PUM2: variants seen among roughly 807,000 people sequenced by gnomAD.
The protein encoded by PUM2 is pumilio RNA binding family member 2, also known as pumilio homolog 2.
A neutral mutation model predicts 124.5 loss-of-function variants in PUM2; 57 were observed. The ratio of observed to expected loss-of-function variants is 0.46; its 90% CI spans 0.37 to 0.57. The LOEUF is 0.57. Among genes scored for constraint, PUM2 ranks in the 20% least tolerant of loss-of-function variants. PUM2 has a pLI of 0.00. For synonymous variants in PUM2, 460 were observed against 446.1 expected, an observed-to-expected ratio of 1.03 and a Z score of -0.39; for missense variants, 1,065 against 1,290.6, an observed-to-expected ratio of 0.83 and a Z score of 2.68.
upstream of PUM2, among the ~76,000 whole-genome samples, chr2:20,351,110 G>C (rs891700340): frequency 2.0e-5 from 3 of 152,202 alleles, no homozygotes; most frequent in African/African-American, 7.2e-5. Flanking sequence ...CAGGCGTACT[G>C]TTGCCAAACG....
chr2:20,344,813 T>C (rs1687905330), intron 1 of PUM2, among the ~76,000 whole-genome samples: 1 of 151,634 alleles, frequency 6.6e-6, no homozygotes, highest in South Asian at 2.1e-4. Flanking sequence ...AAACCCCGTC[T>C]CTACTAAAAA....
At position 20,284,358 on chromosome 2, in the gene PUM2, C is replaced by CT. The variant is rs563304570; in HGVS notation, c.1292-873dup. On this transcript the variant is annotated intron_variant, in intron 10 of 20. Coordinates refer to ENST00000361078, the MANE Select transcript of PUM2 (RefSeq NM_015317.5). ...CTATCAGCAAAACATGCATTGGCAA[C>CT]TTTTTTTTCCCTTAAAGAGTGCTGT... Among the ~76,000 whole-genome samples the CT allele has an allele frequency of 1.6e-4, 24 of 152,066 alleles. No individual in the cohort carries two copies. The East Asian group carries it at 3.1e-3, about 20-fold the overall frequency.
chr2:20,327,402 T>A, intron 1 of PUM2, 24 bp from the exon 2 acceptor site: 1 of 1,432,326 alleles, frequency 7.0e-7, no homozygotes, highest in South Asian at 1.2e-5. Flanking sequence ...AAAACAAAAA[T>A]TAGTACAAAG....
rs372817643 is a variant in PUM2 at position 20,312,567 on chromosome 2, T to C, written c.161-144A>G. ...TATAATCTTTATATAAAGCTCTTCA[T>C]AGGACACAAACAAATGGAAGAACAT... On this transcript the variant is annotated intron_variant, in intron 3 of 20. Transcript: ENST00000361078. The C allele has an allele frequency of 1.0e-5, 8 of 765,230 alleles. No individual in the cohort carries two copies. The East Asian group carries it at 1.1e-4, about 11-fold the overall frequency. 47.4% of individuals were successfully genotyped at this position (765,230 alleles called of 1,614,324 possible).
chr2:20,336,902 A>C (rs1421105845), intron 1 of PUM2, among the ~76,000 whole-genome samples: 1 of 151,850 alleles, frequency 6.6e-6, no homozygotes, highest in Non-Finnish European at 1.5e-5. Flanking sequence ...GATTACAGGC[A>C]TAAGTCACCA....
intron 5 of PUM2, among the ~76,000 whole-genome samples, chr2:20,310,460 G>C (rs1366658774): frequency 6.6e-6 from 1 of 151,850 alleles, no homozygotes; most frequent in Admixed American, 6.6e-5. Flanking sequence ...TACTCTGAAG[G>C]GTTTATCATC....
At chr2:20,274,824 A>G (rs567123874) in intron 13 of PUM2, among the ~76,000 whole-genome samples, 77 of 151,688 alleles carry the variant, frequency 5.1e-4, no homozygotes, top group Non-Finnish European at 9.0e-4. Context: ...AGTTAAAAAA[A>G]ATTATCAACA....
chr2:20,255,986 TA>T, intron 17 of PUM2, 46 bp downstream of exon 17: 1 of 1,471,744 alleles, frequency 6.8e-7, no homozygotes, highest in South Asian at 1.5e-5. Context: ...TTCAAAATTC[TA>T]AAATAATGCC....
chr2:20,260,788 A>C (rs1336905322), intron 14 of PUM2, among the ~76,000 whole-genome samples: 1 of 152,182 alleles, frequency 6.6e-6, no homozygotes, highest in Non-Finnish European at 1.5e-5. Context: ...GTATTACTAA[A>C]CATCTAACTT....
At chr2:20,319,697 G>C (rs549853009) in intron 2 of PUM2, among the ~76,000 whole-genome samples, 1 of 152,288 alleles carries the variant, frequency 6.6e-6, no homozygotes, top group African/African-American at 2.4e-5. Context: ...AAAATGCAGT[G>C]TGTAGAATAG....
Position 20,256,213 on chromosome 2 carries a change from G to T in PUM2, c.2485-43C>A, listed in dbSNP as rs74503137. The T allele has an allele frequency of 3.3e-6, 5 of 1,513,702 alleles. No homozygotes were observed. In the East Asian group the frequency reaches 1.3e-4, roughly 39 times the overall value. The allele number at this position is 1,513,702 out of a possible 1,614,324, so 93.8% of individuals were successfully genotyped here. A position where few individuals can be genotyped will look rare whatever the true frequency, so the allele number is the denominator to read the frequency against. ...TCATTTAAATTATTACCTCAAACGA[G>T]AAAATACTAGTATATTTTATCTCAG... On this transcript the variant is annotated intron_variant, in intron 16 of 20. Coordinates refer to ENST00000361078, the MANE Select transcript of PUM2 (RefSeq NM_015317.5).
At chr2:20,276,586 C>A (rs956320507) in intron 13 of PUM2, among the ~76,000 whole-genome samples, 6 of 151,968 alleles carry the variant, frequency 3.9e-5, no homozygotes, top group Admixed American at 2.0e-4. Flanking sequence ...AGCCTTGAGA[C>A]TTGATTCATA....
At chr2:20,322,057 T>C (rs1289927719) in intron 2 of PUM2, among the ~76,000 whole-genome samples, 1 of 152,190 alleles carries the variant, frequency 6.6e-6, no homozygotes, top group African/African-American at 2.4e-5. Context: ...TAAATTGTTA[T>C]GGAAAACCCC....
intron 3 of PUM2, 118 bp from the exon 4 acceptor site, chr2:20,312,541 C>T: frequency 3.2e-6 from 3 of 946,480 alleles, no homozygotes; most frequent in Non-Finnish European, 4.7e-6. Context: ...AATGTTATTA[C>T]TATAATCTTT....
chr2:20,318,812 A>G (rs1014966631), intron 2 of PUM2, among the ~76,000 whole-genome samples, 167 bp from the exon 3 acceptor site: 16 of 152,290 alleles, frequency 1.1e-4, no homozygotes, highest in Admixed American at 9.8e-4. Flanking sequence ...TTAACTCCCC[A>G]TTTATTTTTG....
intron 1 of PUM2, among the ~76,000 whole-genome samples, chr2:20,340,729 T>C (rs1687060914): frequency 6.6e-6 from 1 of 152,222 alleles, no homozygotes; most frequent in Non-Finnish European, 1.5e-5. Flanking sequence ...GGCTAAGGAA[T>C]ATATCCACAA....
chr2:20,314,993 A>G (rs1572882526), intron 3 of PUM2, among the ~76,000 whole-genome samples: 1 of 151,622 alleles, frequency 6.6e-6, no homozygotes, highest in Non-Finnish European at 1.5e-5. Flanking sequence ...AAAAAAAGCA[A>G]AAGTACGAAA....
At chr2:20,289,699 A>G (rs761797230) in intron 10 of PUM2, among the ~76,000 whole-genome samples, 13 of 152,360 alleles carry the variant, frequency 8.5e-5, no homozygotes, top group South Asian at 2.1e-4. Context: ...TGAAATAGAA[A>G]TCCTTCAAAC....
chr2:20,303,747 C>A (rs976095789), intron 7 of PUM2, among the ~76,000 whole-genome samples: 5 of 152,164 alleles, frequency 3.3e-5, no homozygotes, highest in African/African-American at 1.2e-4. Flanking sequence ...TATCCTAATT[C>A]ATTTAGCGGT....
Sources: allele counts gnomAD v4.1 joint callset (sites outside exome capture counted in the v4.1 genomes callset), GRCh38; gene constraint gnomAD v4.1.1; transcripts MANE v1.5; gene names NCBI Gene and HGNC (gene_info 2026-07-23, HGNC 2026-07-21).